FABP6: variants seen among roughly 807,000 people sequenced by gnomAD.
FABP6 encodes fatty acid binding protein 6.
Under a neutral mutation model 14.9 loss-of-function variants are expected in FABP6, and 13 were observed. That is an observed-to-expected ratio of 0.87 (90% CI 0.57 to 1.39). The LOEUF is 1.39. Ranked by LOEUF, FABP6 falls within the 40% of genes most tolerant of loss-of-function variation. The pLI is 0.00. For missense variants in FABP6, 161 were observed against 167.2 expected, an observed-to-expected ratio of 0.96 and a Z score of 0.20; for synonymous variants, 75 against 63.6, an observed-to-expected ratio of 1.18 and a Z score of -0.85.
chr5:160,221,313 A>G (rs890191462), intron 3 of FABP6, among the ~76,000 whole-genome samples: 2 of 152,046 alleles, frequency 1.3e-5, no homozygotes, highest in African/African-American at 4.8e-5. Context: ...TGCAAGGGAC[A>G]ATCTCTACAG....
At chr5:160,215,972 A>G (rs746113946) in intron 3 of FABP6, among the ~76,000 whole-genome samples, 1 of 152,162 alleles carries the variant, frequency 6.6e-6, no homozygotes, top group African/African-American at 2.4e-5. Flanking sequence ...GGGAGGTAGA[A>G]GGACAAATGC....
At chr5:160,224,467 C>G (rs1012428617) in intron 3 of FABP6, among the ~76,000 whole-genome samples, 47 of 152,034 alleles carry the variant, frequency 3.1e-4, no homozygotes, top group African/African-American at 1.1e-3. Flanking sequence ...AAAATGTCTT[C>G]TAGGTGTTCA....
chr5:160,207,833 C>T (rs1169222553), intron 2 of FABP6, among the ~76,000 whole-genome samples: 9 of 151,810 alleles, frequency 5.9e-5, no homozygotes, highest in African/African-American at 1.9e-4. Flanking sequence ...AAGCGCTTCT[C>T]CTGCCTCAGC....
chr5:160,189,417 A>AT (rs1759352530), intron 1 of FABP6, among the ~76,000 whole-genome samples: 1 of 151,966 alleles, frequency 6.6e-6, no homozygotes, highest in Non-Finnish European at 1.5e-5. Context: ...AATTTTGTGT[A>AT]TTTTTAGTAG....
rs984445996 is a variant in FABP6, at chr5:160,190,887, C to T, written c.-59+3433C>T. ...CAGCACTTTCGGAGGCCGAGGCGGGCGGATCATGAAGTCAGGAGATCAAGA... is the reference window on the plus strand; with the variant it reads ...CAGCACTTTCGGAGGCCGAGGCGGGTGGATCATGAAGTCAGGAGATCAAGA... On this transcript the variant is annotated intron_variant, in intron 1 of 6. Transcript: ENST00000393980. Among the ~76,000 whole-genome samples the T allele has an allele frequency of 8.6e-5, 13 of 151,370 alleles. No homozygotes were observed. The South Asian group carries it at 1.3e-3, about 15-fold the overall frequency.
chr5:160,207,751 C>A (rs1363184622), intron 2 of FABP6, among the ~76,000 whole-genome samples: 2 of 134,934 alleles, frequency 1.5e-5, no homozygotes, highest in African/African-American at 5.6e-5. Flanking sequence ...GAGATGAAGT[C>A]TCGCTTTTGT....
At chr5:160,210,698 C>T (rs899877812) in intron 2 of FABP6, among the ~76,000 whole-genome samples, 1 of 152,196 alleles carries the variant, frequency 6.6e-6, no homozygotes, top group Admixed American at 6.5e-5. Flanking sequence ...CTCAGAATGT[C>T]CAATCCTTTT....
At position 160,234,919 on chromosome 5, in the gene FABP6, A is replaced by G; in HGVS notation, c.333+10A>G. 1 of 1,607,934 alleles carries G rather than the reference A, an allele frequency of 6.2e-7. No homozygotes were observed. Among genetic ancestry groups the G allele is most frequent in the Non-Finnish European group, 8.5e-7 (1 of 1,176,318 alleles). ...TGACAAGCTGGTGGAGGTGAGTGTC[A>G]TGCTGATTCCTGGGATGATTATTGG... On this transcript the variant is annotated intron_variant, in intron 3 of 3. Transcript: ENST00000402432.
chr5:160,209,000 A>T (rs1759828535), intron 2 of FABP6, among the ~76,000 whole-genome samples: 1 of 149,374 alleles, frequency 6.7e-6, no homozygotes, highest in Non-Finnish European at 1.5e-5. Flanking sequence ...CTGGTCTCAA[A>T]CTCCTGACCT....
At chr5:160,202,595 G>C (rs1203133505) in intron 2 of FABP6, among the ~76,000 whole-genome samples, 1 of 152,072 alleles carries the variant, frequency 6.6e-6, no homozygotes, top group Non-Finnish European at 1.5e-5. Context: ...AGGAGATCGA[G>C]ACCATTCTGG....
chr5:160,188,118 C>G (rs1215183632), intron 1 of FABP6, among the ~76,000 whole-genome samples: 3 of 152,026 alleles, frequency 2.0e-5, no homozygotes, highest in African/African-American at 7.2e-5. Context: ...CTGGGGCAGC[C>G]CTCCCAATTC....
intron 3 of FABP6, among the ~76,000 whole-genome samples, chr5:160,237,509 C>T (rs1446670749): frequency 6.6e-6 from 1 of 152,118 alleles, no homozygotes; most frequent in Non-Finnish European, 1.5e-5. Flanking sequence ...CACTTCTCCA[C>T]CAATAGACAG....
chr5:160,206,071 A>G (rs889103677), intron 2 of FABP6, among the ~76,000 whole-genome samples: 1 of 152,192 alleles, frequency 6.6e-6, no homozygotes, highest in Non-Finnish European at 1.5e-5. Context: ...ATATATCTGT[A>G]TATAAACAAC....
chr5:160,227,684 C>T (rs971850411), upstream of FABP6, among the ~76,000 whole-genome samples: 1 of 151,476 alleles, frequency 6.6e-6, no homozygotes, highest in African/African-American at 2.4e-5. Context: ...GACCCTGTCT[C>T]AGGAAAAAAG....
Position 160,233,001 on chromosome 5 carries a change from T to A in FABP6, c.243+728T>A, listed in dbSNP as rs1223072457. ...GAGAGCATAAGTGTTTTTTTTTTTT[T>A]ATTCGAGACTCACTCTGTCACCCAG... On this transcript the variant is annotated intron_variant, in intron 2 of 3. Transcript: ENST00000402432. Among the ~76,000 whole-genome samples, 5 of 126,564 alleles carry A rather than the reference T, an allele frequency of 4.0e-5. No homozygotes were observed. In the East Asian group the frequency reaches 7.3e-4, roughly 18 times the overall value. The allele number at this position is 126,564 out of a possible 152,430, so 83.0% of individuals were successfully genotyped here.
At position 160,199,459 on chromosome 5, in the gene FABP6, C is replaced by T. The variant is rs376905193; in HGVS notation, c.51+302C>T. 2.4e-4 allele frequency among the ~76,000 whole-genome samples: 36 copies of T among 152,254 alleles called. 1 individual carries two copies. In the South Asian group the frequency reaches 5.8e-3, roughly 25 times the overall value. ...TGGGGACCGGGGCAGCCCCCTGGCCCCCTGGGCTCACCCCCTCCTGCGCCA... is the reference window on the plus strand; with the variant it reads ...TGGGGACCGGGGCAGCCCCCTGGCCTCCTGGGCTCACCCCCTCCTGCGCCA... On this transcript the variant is annotated intron_variant, in intron 2 of 6. Coordinates refer to the FABP6 transcript ENST00000393980.
intron 3 of FABP6, among the ~76,000 whole-genome samples, chr5:160,216,712 A>G (rs895241718): frequency 6.6e-6 from 1 of 152,226 alleles, no homozygotes; most frequent in Non-Finnish European, 1.5e-5. Context: ...GTAACCTTGG[A>G]CAAGTCACCT....
intron 3 of FABP6, among the ~76,000 whole-genome samples, chr5:160,218,135 G>A (rs1760055097): frequency 6.6e-6 from 1 of 151,920 alleles, no homozygotes; most frequent in South Asian, 2.1e-4. Flanking sequence ...TTAGGGACAA[G>A]TTCTTGCTGT....
intron 2 of FABP6, among the ~76,000 whole-genome samples, chr5:160,209,834 A>T (rs986949775): frequency 1.3e-5 from 2 of 152,180 alleles, no homozygotes; most frequent in Non-Finnish European, 2.9e-5. Flanking sequence ...TACAGGCATG[A>T]GCCACTGCGT....
Sources: allele counts gnomAD v4.1 joint callset (sites outside exome capture counted in the v4.1 genomes callset), GRCh38; gene constraint gnomAD v4.1.1; transcripts MANE v1.5; gene names NCBI Gene and HGNC (gene_info 2026-07-23, HGNC 2026-07-21).